Variants in RIMS2 observed in about 807,000 individuals in gnomAD.
RIMS2 encodes regulating synaptic membrane exocytosis protein 2.
A neutral mutation model predicts 174.4 loss-of-function variants in RIMS2; 59 were observed. The observed-to-expected ratio is 0.34, with a 90% CI of 0.27 to 0.42. RIMS2 has a LOEUF of 0.42. Ranked by LOEUF, RIMS2 falls within the 10% of genes least tolerant of loss-of-function variation. RIMS2 has a pLI of 1.00. For missense variants in RIMS2, 1,620 were observed against 1,666.3 expected, an observed-to-expected ratio of 0.97 and a Z score of 0.48; for synonymous variants, 606 against 572.5, an observed-to-expected ratio of 1.06 and a Z score of -0.84.
At chr8:103,829,189 G>A (rs1323470618) in intron 3 of RIMS2, among the ~76,000 whole-genome samples, 7 of 150,530 alleles carry the variant, frequency 4.7e-5, no homozygotes. Flanking sequence ...AAACCAGAAT[G>A]AGATACCATC....
intron 3 of RIMS2, among the ~76,000 whole-genome samples, chr8:103,781,673 A>G (rs2098389743): frequency 6.7e-6 from 1 of 150,264 alleles, no homozygotes; most frequent in Non-Finnish European, 1.5e-5. Flanking sequence ...AAGACTCCTC[A>G]GTTCTTGAAG....
At chr8:103,615,246 A>G (rs376146477) in intron 1 of RIMS2, among the ~76,000 whole-genome samples, 4 of 152,200 alleles carry the variant, frequency 2.6e-5, no homozygotes, top group East Asian at 3.8e-4. Context: ...CAAAACCTAC[A>G]TGGAAATTAA....
intron 2 of RIMS2, among the ~76,000 whole-genome samples, chr8:103,743,843 A>G (rs1220571659): frequency 6.6e-6 from 1 of 152,176 alleles, no homozygotes; most frequent in Non-Finnish European, 1.5e-5. Flanking sequence ...TAGTTTTCTA[A>G]GAATTACTTT....
chr8:104,207,211 G>A (rs1327868378), intron 19 of RIMS2, among the ~76,000 whole-genome samples: 3 of 152,094 alleles, frequency 2.0e-5, no homozygotes, highest in African/African-American at 7.2e-5. Flanking sequence ...ACCTATTTCT[G>A]CTACGCCCAG....
chr8:103,967,907 C>A (rs1250381611), intron 15 of RIMS2, among the ~76,000 whole-genome samples: 1 of 145,226 alleles, frequency 6.9e-6, no homozygotes, highest in Non-Finnish European at 1.5e-5. Flanking sequence ...AGGCCCCAGG[C>A]TGCAATGCAG....
intron 15 of RIMS2, among the ~76,000 whole-genome samples, chr8:103,963,417 C>G (rs2090822150): frequency 6.6e-6 from 1 of 152,072 alleles, no homozygotes; most frequent in African/African-American, 2.4e-5. Flanking sequence ...TCATAATAAA[C>G]CTGAACTATC....
At chr8:103,548,733 C>A (rs1426223573) in intron 1 of RIMS2, among the ~76,000 whole-genome samples, 1 of 151,976 alleles carries the variant, frequency 6.6e-6, no homozygotes, top group Non-Finnish European at 1.5e-5. Context: ...CAAACCATTT[C>A]TCTTTGCCAA....
chr8:104,064,069 G>T (rs1300472503), intron 19 of RIMS2, among the ~76,000 whole-genome samples: 4 of 152,004 alleles, frequency 2.6e-5, no homozygotes, highest in African/African-American at 9.7e-5. Context: ...TATATCTTTG[G>T]TTAAAAAAAT....
At chr8:104,215,439 A>G (rs1349001144) in intron 19 of RIMS2, among the ~76,000 whole-genome samples, 1 of 152,252 alleles carries the variant, frequency 6.6e-6, no homozygotes, top group African/African-American at 2.4e-5. Flanking sequence ...ATGAATAAAT[A>G]ATAAATAAGG....
intron 19 of RIMS2, among the ~76,000 whole-genome samples, chr8:104,209,342 G>C (rs968965119): frequency 1.3e-5 from 2 of 152,088 alleles, no homozygotes; most frequent in African/African-American, 4.8e-5. Context: ...TAATCTCTAA[G>C]ACCTGTTATA....
intron 19 of RIMS2, among the ~76,000 whole-genome samples, chr8:104,099,843 A>C (rs1422745012): frequency 6.7e-6 from 1 of 149,792 alleles, no homozygotes; most frequent in East Asian, 2.0e-4. Flanking sequence ...TTGAGACAGC[A>C]TCTCACTGTG....
intron 3 of RIMS2, chr8:103,880,523 A>G (rs1594443078): frequency 5.1e-6 from 2 of 388,680 alleles, no homozygotes; most frequent in Admixed American, 4.5e-5. Context: ...TTTTGAAATA[A>G]AACAATTGTA....
At chr8:103,916,518 G>C (rs769097335) in exon 8 of RIMS2, 9 of 1,610,374 alleles carry the variant, frequency 5.6e-6, no homozygotes, top group Non-Finnish European at 6.8e-6. Flanking sequence ...AGTAGAACTT[G>C]TAGTTTCAAG....
At chr8:103,803,886 A>T (rs1045877746) in intron 3 of RIMS2, among the ~76,000 whole-genome samples, 10 of 152,174 alleles carry the variant, frequency 6.6e-5, no homozygotes, top group African/African-American at 2.4e-4. Flanking sequence ...GCATGCCAAC[A>T]ATCACATGAG....
At chr8:104,042,156 T>C (rs1204037599) in intron 19 of RIMS2, among the ~76,000 whole-genome samples, 2 of 151,462 alleles carry the variant, frequency 1.3e-5, no homozygotes, top group East Asian at 3.9e-4. Context: ...GTGGTATGAT[T>C]CCTTTCCCCT....
Position 103,553,033 on chromosome 8 carries a change from C to T in RIMS2, c.176+51971C>T, listed in dbSNP as rs141676728. On this transcript the variant is annotated intron_variant, in intron 1 of 23. Coordinates refer to ENST00000504942, the Ensembl canonical transcript of RIMS2. ...CTAGTTCAACCATTGTGGAAGACAG[C>T]GTGGTGATTCCTCAAGGATCTAGAA... is the stretch of plus-strand genomic sequence containing the variant. Among the ~76,000 whole-genome samples, 1,414 of 152,180 alleles carry T rather than the reference C, an allele frequency of 9.3e-3. 40 individuals are homozygous for T. Among genetic ancestry groups the T allele is most frequent in the Admixed American group, 0.059 (896 of 15,272 alleles).
intron 16 of RIMS2, among the ~76,000 whole-genome samples, chr8:103,982,691 A>G (rs535310857): frequency 1.3e-5 from 2 of 152,276 alleles, no homozygotes; most frequent in South Asian, 4.1e-4. Flanking sequence ...CATTTGATAA[A>G]ATTCAATATC....
At chr8:104,122,163 G>A (rs1283882629) in intron 19 of RIMS2, among the ~76,000 whole-genome samples, 1 of 152,018 alleles carries the variant, frequency 6.6e-6, no homozygotes, top group Non-Finnish European at 1.5e-5. Flanking sequence ...TTCCCAGAAA[G>A]GAGAATGTGG....
rs2098839553 is a variant in RIMS2 at position 104,172,760 on chromosome 8, T to C, written c.3335-72156T>C. ...CATAAATGGAAGAGAATATTGAAGA[T>C]GTAGAAGAGGATATGACTAAGTGTG... On this transcript the variant is annotated intron_variant, in intron 19 of 23. Transcript: ENST00000504942. Among the ~76,000 whole-genome samples, 4 of 152,230 alleles carry C rather than the reference T, an allele frequency of 2.6e-5. No individual in the cohort carries two copies. In the South Asian group the frequency reaches 8.3e-4, roughly 31 times the overall value.
Sources: gnomAD v4.1 joint callset for allele counts (sites outside exome capture counted in the v4.1 genomes callset) on GRCh38, gnomAD v4.1.1 for gene constraint, MANE v1.5 for transcripts, NCBI Gene and HGNC (gene_info 2026-07-23, HGNC 2026-07-21) for gene names.